The following PCDH15 variants were observed in gnomAD, a reference collection of about 807,000 sequenced individuals.
PCDH15 encodes protocadherin-15.
A neutral mutation model predicts 178.5 loss-of-function variants in PCDH15; 129 were observed. That is an observed-to-expected ratio of 0.72 (90% CI 0.63 to 0.84). The LOEUF (loss-of-function observed/expected upper bound fraction) is 0.84, where lower values mean the gene tolerates loss of function less well. Among genes scored for constraint, PCDH15 ranks in the 40% least tolerant of loss-of-function variants. The pLI, the probability that PCDH15 is intolerant of heterozygous loss-of-function variation, is 0.00. For missense variants in PCDH15, 2,230 were observed against 2,099.9 expected (o/e 1.06, Z -1.21); for synonymous variants, 800 against 732.0 (o/e 1.09, Z -1.50).
chr10:54,038,621 G>A (rs529300172), intron 18 of PCDH15, among the ~76,000 whole-genome samples: 50 of 151,984 alleles, frequency 3.3e-4, no homozygotes, highest in Middle Eastern at 6.8e-3. Flanking sequence ...ATGGGCAAGG[G>A]AACCTTCTGT....
chr10:55,554,650 A>G (rs10825543), intron 2 of PCDH15, among the ~76,000 whole-genome samples: 51,920 of 151,776 alleles, frequency 0.34, 9,156 homozygotes, highest in East Asian at 0.5. Context: ...TGCTTCTGAA[A>G]GAATGTATGC....
intron 8 of PCDH15, among the ~76,000 whole-genome samples, chr10:54,312,449 G>A (rs1183264496): frequency 6.6e-6 from 1 of 152,032 alleles, no homozygotes; most frequent in Non-Finnish European, 1.5e-5. Context: ...ATATAGGGAG[G>A]TGGAGTATGT....
chr10:54,849,572 C>T (rs1016264978), intron 3 of PCDH15, among the ~76,000 whole-genome samples: 1 of 152,096 alleles, frequency 6.6e-6, no homozygotes, highest in African/African-American at 2.4e-5. Flanking sequence ...GATTCACTGG[C>T]CATCCATATA....
intron 2 of PCDH15, among the ~76,000 whole-genome samples, chr10:54,960,847 C>A (rs1171025364): frequency 6.6e-6 from 1 of 152,122 alleles, no homozygotes; most frequent in East Asian, 1.9e-4. Context: ...AATATATCTA[C>A]AAGTGTACAA....
chr10:55,293,585 G>C (rs182823992), intron 1 of PCDH15, among the ~76,000 whole-genome samples: 11 of 152,258 alleles, frequency 7.2e-5, no homozygotes, highest in South Asian at 4.1e-4. Context: ...ACACTTTGCT[G>C]CTTAGAAATT....
chr10:55,007,514 A>C (rs1839961063), intron 2 of PCDH15, among the ~76,000 whole-genome samples: 1 of 144,996 alleles, frequency 6.9e-6, no homozygotes, highest in Admixed American at 6.9e-5. Flanking sequence ...ATTTAACAGT[A>C]TATGAGGTTG....
intron 8 of PCDH15, among the ~76,000 whole-genome samples, chr10:54,253,327 G>C (rs2132132637): frequency 6.6e-6 from 1 of 152,096 alleles, no homozygotes; most frequent in South Asian, 2.1e-4. Context: ...TATATGGAAT[G>C]AACACAGTGG....
At chr10:54,927,716 A>G (rs1837669317) in intron 2 of PCDH15, among the ~76,000 whole-genome samples, 1 of 151,802 alleles carries the variant, frequency 6.6e-6, no homozygotes, top group Admixed American at 6.6e-5. Context: ...TTTGATTTTT[A>G]TTGGTTTAAA....
intron 2 of PCDH15, among the ~76,000 whole-genome samples, chr10:54,561,833 A>AATT (rs367556125): frequency 5.5e-4 from 83 of 151,240 alleles, no homozygotes; most frequent in African/African-American, 1.0e-3. Context: ...TATCAATGGT[A>AATT]ATTATTATTA....
chr10:53,840,594 GAT>G, intron 28 of PCDH15, 98 bp from the exon 29 acceptor site: 5 of 1,122,854 alleles, frequency 4.5e-6, no homozygotes, highest in Non-Finnish European at 6.6e-6. Flanking sequence ...AATGAAAAAT[GAT>G]GACAGCCTAG....
chr10:53,969,598 C>G (rs1363425708), intron 21 of PCDH15, among the ~76,000 whole-genome samples: 1 of 152,180 alleles, frequency 6.6e-6, no homozygotes, highest in African/African-American at 2.4e-5. Flanking sequence ...ATATTAAGGG[C>G]AGCCAGAGAG....
intron 34 of PCDH15, among the ~76,000 whole-genome samples, chr10:53,817,527 CTT>C (rs568238130): frequency 5.3e-5 from 5 of 95,144 alleles, no homozygotes; most frequent in Non-Finnish European, 9.1e-5. Context: ...TTTTTTTTTT[CTT>C]TTTTTTTTTT....
At chr10:53,864,303 A>G (rs10825132) in intron 27 of PCDH15, among the ~76,000 whole-genome samples, 39,718 of 151,794 alleles carry the variant, frequency 0.26, 6,427 homozygotes, top group East Asian at 0.75. Context: ...GGCAGGGAAC[A>G]TAAACCAATT....
intron 29 of PCDH15, 38 bp from the exon 30 acceptor site, chr10:53,831,571 G>T: frequency 7.2e-7 from 1 of 1,391,728 alleles, no homozygotes. Context: ...AATGATGCTA[G>T]CAGAGAAAGA....
At chr10:54,329,529 T>C (rs1938958196) in intron 7 of PCDH15, 67 bp downstream of exon 7, 2 of 1,163,084 alleles carry the variant, frequency 1.7e-6, no homozygotes, top group Non-Finnish European at 2.6e-6. Flanking sequence ...GAGTATCTGA[T>C]ACATTTTGGA....
At chr10:54,479,125 A>G (rs559659676) in intron 3 of PCDH15, among the ~76,000 whole-genome samples, 123 of 152,138 alleles carry the variant, frequency 8.1e-4, no homozygotes, top group African/African-American at 2.8e-3. Context: ...TAGATTTTTT[A>G]TTTAAAATTT....
intron 8 of PCDH15, among the ~76,000 whole-genome samples, chr10:54,290,743 A>G (rs2059348958): frequency 6.6e-6 from 1 of 152,236 alleles, no homozygotes; most frequent in South Asian, 2.1e-4. Flanking sequence ...AGGGGTTGCA[A>G]TCTTAGTCTC....
At chr10:54,776,145 T>C (rs977177671) in intron 1 of PCDH15, among the ~76,000 whole-genome samples, 3 of 152,158 alleles carry the variant, frequency 2.0e-5, no homozygotes, top group African/African-American at 7.2e-5. Context: ...TGTGTATATG[T>C]GTCATATTTT....
intron 2 of PCDH15, among the ~76,000 whole-genome samples, chr10:54,566,860 C>A (rs1345348364): frequency 2.0e-5 from 3 of 152,096 alleles, no homozygotes; most frequent in East Asian, 1.9e-4. Flanking sequence ...AGGAGAATGA[C>A]CGCTGGATTT....
Sources: gnomAD v4.1 joint callset for allele counts (sites outside exome capture counted in the v4.1 genomes callset) on GRCh38, gnomAD v4.1.1 for gene constraint, MANE v1.5 for transcripts, NCBI Gene and HGNC (gene_info 2026-07-23, HGNC 2026-07-21) for gene names.